The following PAXIP1 variants were observed in gnomAD, a reference collection of about 807,000 sequenced individuals.
PAXIP1 encodes PAX interacting protein 1.
PAXIP1 carries 19 observed loss-of-function variants against 140.6 expected under a neutral mutation model. That is an observed-to-expected ratio of 0.14 (90% CI 0.09 to 0.20). The LOEUF is 0.20. PAXIP1 is among the 10% of genes least tolerant of loss of function. The probability of loss-of-function intolerance (pLI) is 1.00; values close to 1 mark genes in which losing one functional copy is unlikely to be tolerated. For missense variants in PAXIP1, 920 were observed against 1,208.6 expected, an observed-to-expected ratio of 0.76 and a Z score of 3.54; for synonymous variants, 442 against 444.6, an observed-to-expected ratio of 0.99 and a Z score of 0.07.
At position 154,946,833 on chromosome 7, in the gene PAXIP1, T is replaced by C. The variant is rs914506466; in HGVS notation, c.2923-20A>G. ...TTTTGCCTAAAATTAAATGAAAATA[T>C]ATGTATTATGTTCTTAAAATGCTTT... On this transcript the variant is annotated intron_variant, in intron 17 of 20. Transcript: ENST00000404141. This position sits in a 1 kb window ranked among gnomAD's most constrained non-coding sequence, Gnocchi z 4.9. The C allele has an allele frequency of 3.3e-6, 5 of 1,493,882 alleles. No individual in the cohort carries two copies. Among genetic ancestry groups the C allele is most frequent in the East Asian group, 4.9e-5 (2 of 40,738 alleles). The allele number at this position is 1,493,882 out of a possible 1,614,324, so 92.5% of individuals were successfully genotyped here. A position where few individuals can be genotyped will look rare whatever the true frequency, so the allele number is the denominator to read the frequency against.
In PAXIP1 at chr7:154,975,782, T is replaced by A; in HGVS notation, c.988A>T (p.Thr330Ser). ...AGTGTCCGTACAGCTGGACTCCAGG[T>A]AGCTATCATTTCTGATCTTTCAGAA... Reference protein sequence around the residue: ...QSSERSEMIATWSPAVRTLRN... With the variant: ...QSSERSEMIASWSPAVRTLRN... Residue 330 changes from threonine to serine, a missense_variant, in exon 6 of 21, where the codon ACC becomes TCC. By Grantham distance (58) the Thr-to-Ser change is moderately conservative. Transcript: ENST00000404141. The A allele has an allele frequency of 6.2e-7, 1 of 1,613,918 alleles. No individual in the cohort carries two copies. The highest frequency in any genetic ancestry group is 8.5e-7 in the Non-Finnish European group (1 of 1,179,806).
Position 154,957,302 on chromosome 7 carries a change from TA to T in PAXIP1, c.2479-9del. 6.5e-7 allele frequency: 1 copy of T among 1,540,208 alleles called. No homozygotes were observed. The highest frequency in any genetic ancestry group is 8.9e-7 in the Non-Finnish European group (1 of 1,120,946). On this transcript the variant is annotated splice_polypyrimidine_tract_variant and intron_variant, in intron 13 of 20. Coordinates refer to ENST00000404141, the MANE Select transcript of PAXIP1 (RefSeq NM_007349.4). ...GGGAGGTAGTCTTATACTCTGCAAT[TA>T]AAATATTGTCGACTTTAATTCAATC...
At chr7:154,977,911 G>GACCAAACTTTTTAATGTACATTTTCA (rs1563379750) in intron 5 of PAXIP1, among the ~76,000 whole-genome samples, 8 of 150,630 alleles carry the variant, frequency 5.3e-5, no homozygotes, top group African/African-American at 2.0e-4. Flanking sequence ...GTACATTTTC[G>GACCAAACTTTTTAATGTACATTTTCA]AACACAGACC....
At chr7:154,977,681 C>G (rs556124430) in intron 5 of PAXIP1, among the ~76,000 whole-genome samples, 4 of 152,164 alleles carry the variant, frequency 2.6e-5, no homozygotes, top group Non-Finnish European at 5.9e-5. Flanking sequence ...ATCATAATCA[C>G]ACTGACTAGA....
At chr7:154,997,523 G>T (rs2150788990) in intron 2 of PAXIP1, among the ~76,000 whole-genome samples, 1 of 152,296 alleles carries the variant, frequency 6.6e-6, no homozygotes, top group African/African-American at 2.4e-5. Context: ...GGGAAAAAAT[G>T]GTAGTGGTAT....
rs1340562367 is a variant in PAXIP1, at chr7:154,995,220, G to A, written c.217-1451C>T. On this transcript the variant is annotated intron_variant, in intron 2 of 20. Coordinates refer to ENST00000404141, the MANE Select transcript of PAXIP1 (RefSeq NM_007349.4). ...TGGGTGAAGGTCTGATTCTTCCTGT[G>A]TAAAGTGGGAGGGGCCACTGTGACC... Among the ~76,000 whole-genome samples the A allele has an allele frequency of 3.3e-5, 5 of 152,340 alleles. No homozygotes were observed. In the South Asian group the frequency reaches 6.2e-4, roughly 19 times the overall value.
chr7:154,998,863 G>A (rs547657857), intron 1 of PAXIP1, 79 bp from the exon 2 acceptor site: 2 of 1,232,500 alleles, frequency 1.6e-6, no homozygotes, highest in Admixed American at 2.1e-5. Context: ...TAATTATTGG[G>A]CATAATAGTA....
chr7:154,979,553 T>C (rs1473942658), intron 5 of PAXIP1, among the ~76,000 whole-genome samples: 1 of 151,980 alleles, frequency 6.6e-6, no homozygotes, highest in Non-Finnish European at 1.5e-5. Flanking sequence ...AAATTAAGTC[T>C]TTTTAAAGGG....
At position 154,969,098 on chromosome 7, in the gene PAXIP1, T is replaced by C. The variant is rs771281849; in HGVS notation, c.1103A>G (p.Lys368Arg). The C allele has an allele frequency of 1.9e-5, 29 of 1,487,184 alleles. No individual in the cohort carries two copies. Among genetic ancestry groups the C allele is most frequent in the Non-Finnish European group, 2.5e-5 (28 of 1,113,478 alleles). 92.1% of individuals were successfully genotyped at this position (1,487,184 alleles called of 1,614,324 possible). The part of the protein sequence containing the change: ...HILQTLSAPT[K>R]NLEQQVNHSQ... ...GTGATTCACCTGCTGTTCTAAATTT[T>C]TCGTAGGTGCTGAAAGAGTCTGTAA... The change falls in exon 7 of 21, where the codon AAA (lysine) becomes AGA (arginine). Residue 368 changes from lysine to arginine, a missense_variant. Lys to Arg is a conservative substitution (Grantham distance 26). This residue lies in a region of PAXIP1 where 419 missense variants were observed against 514.7 expected (regional missense o/e 0.81). Transcript: ENST00000404141.
At chr7:154,993,213 C>A (rs1810427634) in intron 3 of PAXIP1, among the ~76,000 whole-genome samples, 1 of 152,140 alleles carries the variant, frequency 6.6e-6, no homozygotes, top group African/African-American at 2.4e-5. Context: ...CATGAACGAA[C>A]AATGCAAGCA....
chr7:154,968,683 C>T lies in PAXIP1; in HGVS notation c.1518G>A (p.Gln506=). Residue 506 remains glutamine, a synonymous_variant, in exon 7 of 21, where the codon CAG becomes CAA. Transcript: ENST00000404141. ...ALQQQFHQLQ[Q]HQLQQQQLAQ... ...CAAGCTGCTGCTGCTGGAGCTGGTG[C>T]TGCTGCAGCTGATGGAACTGCTGCT... 1.4e-6 allele frequency: 1 copy of T among 715,894 alleles called. No homozygotes were observed. Among genetic ancestry groups the T allele is most frequent in the South Asian group, 1.5e-5 (1 of 67,324 alleles). The allele number at this position is 715,894 out of a possible 1,614,324, so 44.3% of individuals were successfully genotyped here. A position where few individuals can be genotyped will look rare whatever the true frequency, so the allele number is the denominator to read the frequency against.
At chr7:154,990,423 C>A (rs1810276751) in intron 4 of PAXIP1, among the ~76,000 whole-genome samples, 2 of 152,200 alleles carry the variant, frequency 1.3e-5, no homozygotes, top group South Asian at 4.1e-4. Flanking sequence ...GCTCCCCTTT[C>A]CTAGGAAACT....
rs755754031 is a variant in PAXIP1 at position 154,963,783 on chromosome 7, G to A, written c.1894-17C>T. 1.2e-5 allele frequency: 18 copies of A among 1,560,616 alleles called. No individual in the cohort carries two copies. The highest frequency in any genetic ancestry group is 1.7e-4 in the Middle Eastern group (1 of 5,932). Reference sequence around the variant, plus strand: ...CTGGATTATCTACACACAAAGACCCGACCAATGCAGTCATCAATCACTCAG... The same window carrying A: ...CTGGATTATCTACACACAAAGACCCAACCAATGCAGTCATCAATCACTCAG... On this transcript the variant is annotated splice_polypyrimidine_tract_variant and intron_variant, in intron 8 of 20. Transcript: ENST00000404141. This position sits in a 1 kb window ranked among gnomAD's most constrained non-coding sequence, Gnocchi z 4.1.
intron 17 of PAXIP1, 26 bp downstream of exon 17, chr7:154,947,877 T>G (rs368169192): frequency 6.0e-6 from 9 of 1,489,132 alleles, no homozygotes; most frequent in Non-Finnish European, 7.5e-6. Flanking sequence ...TTACTTGGAC[T>G]GATTTACTTT....
chr7:154,962,366 G>A lies in PAXIP1; in HGVS notation c.2082C>T (p.His694=), dbSNP rs1322486193. 3 of 1,613,928 alleles carry A rather than the reference G, an allele frequency of 1.9e-6. No individual in the cohort carries two copies. Among genetic ancestry groups the A allele is most frequent in the Admixed American group, 3.3e-5 (2 of 60,008 alleles). The stretch of plus-strand genomic sequence containing the variant: ...CTCCTGGTGGGAAGGCCACTGGGAA[G>A]TGAAGGGCTCGGTGCGGCGGTACCA... The part of the protein sequence containing the change: ...KKMVPPHRAL[H]FPVAFPPGGK... Residue 694 remains histidine, a synonymous_variant, in exon 10 of 21, where the codon CAC becomes CAT. Coordinates refer to ENST00000404141, the MANE Select transcript of PAXIP1 (RefSeq NM_007349.4).
chr7:154,964,603 G>A (rs934224903), intron 8 of PAXIP1: 2 of 152,176 alleles, frequency 1.3e-5, no homozygotes, highest in African/African-American at 4.8e-5. Flanking sequence ...TGTTTCCACT[G>A]ACAATTATTA....
intron 5 of PAXIP1, among the ~76,000 whole-genome samples, chr7:154,978,460 G>A (rs114929069): frequency 0.014 from 2,192 of 152,132 alleles, 26 homozygotes; most frequent in Middle Eastern, 0.044. Flanking sequence ...CTATACCCTC[G>A]ACAATAAAAT....
chr7:154,999,730 T>C (rs938742714), intron 1 of PAXIP1, among the ~76,000 whole-genome samples: 30 of 151,756 alleles, frequency 2.0e-4, no homozygotes, highest in African/African-American at 7.0e-4. Flanking sequence ...TCTTTGGGGG[T>C]CGTGTTAATA....
chr7:154,975,635 A>G (rs1809535677), intron 6 of PAXIP1, 61 bp downstream of exon 6: 1 of 1,164,070 alleles, frequency 8.6e-7, no homozygotes. Flanking sequence ...ACATTGAAAT[A>G]GACTGTGAAA....
Sources: allele counts gnomAD v4.1 joint callset (sites outside exome capture counted in the v4.1 genomes callset), GRCh38; gene constraint gnomAD v4.1.1; regional missense constraint gnomAD v4.1.1; non-coding constraint Gnocchi (gnomAD v3.1); transcripts MANE v1.5; gene names NCBI Gene and HGNC (gene_info 2026-07-23, HGNC 2026-07-21).